Variants in USH2A observed in about 807,000 individuals in gnomAD.
The protein encoded by USH2A is usherin.
In USH2A, 443 loss-of-function variants were observed where a neutral mutation model predicts 538.9. That is an observed-to-expected ratio of 0.82 (90% CI 0.76 to 0.89). The LOEUF (loss-of-function observed/expected upper bound fraction) is 0.89. Ranked by LOEUF, USH2A falls within the 40% of genes least tolerant of loss-of-function variation. The probability of loss-of-function intolerance (pLI) is 0.00; values close to 1 mark genes in which losing one functional copy is unlikely to be tolerated. For synonymous variants in USH2A, 2,413 were observed against 2,273.5 expected (o/e 1.06, Z -1.75); for missense variants, 6,633 against 6,324.8 (o/e 1.05, Z -1.65).
intron 35 of USH2A, among the ~76,000 whole-genome samples, chr1:215,990,312 T>C (rs1028131382): frequency 1.3e-5 from 2 of 152,208 alleles, no homozygotes; most frequent in African/African-American, 2.4e-5. Flanking sequence ...TTTGAACAAA[T>C]ATATTGCAGA....
At chr1:215,766,956 G>C (rs1395244985) in intron 55 of USH2A, among the ~76,000 whole-genome samples, 168 bp from the exon 56 acceptor site, 1 of 152,050 alleles carries the variant, frequency 6.6e-6, no homozygotes, top group Non-Finnish European at 1.5e-5. Flanking sequence ...GCTAAGTATT[G>C]GGCAAAATTT....
At chr1:216,042,283 A>G (rs1227949252) in intron 32 of USH2A, among the ~76,000 whole-genome samples, 5 of 152,070 alleles carry the variant, frequency 3.3e-5, no homozygotes, top group Non-Finnish European at 7.4e-5. Context: ...GAGTTTCAAT[A>G]TGACAGGATT....
chr1:215,670,210 C>T (rs905155297), intron 64 of USH2A, among the ~76,000 whole-genome samples: 5 of 152,132 alleles, frequency 3.3e-5, no homozygotes, highest in African/African-American at 1.2e-4. Context: ...AAGATCAAGC[C>T]CCAGGCAAAT....
intron 4 of USH2A, among the ~76,000 whole-genome samples, chr1:216,329,786 C>G (rs977716950): frequency 6.6e-6 from 1 of 152,010 alleles, no homozygotes; most frequent in African/African-American, 2.4e-5. Flanking sequence ...TAGTCCTAGG[C>G]ATTCTCTTTC....
chr1:215,643,912 A>T (rs1400217438), intron 67 of USH2A, among the ~76,000 whole-genome samples: 1 of 152,160 alleles, frequency 6.6e-6, no homozygotes. Flanking sequence ...AAGCTTCATG[A>T]CTCAAAAGGG....
At chr1:215,783,485 C>A (rs1227283239) in intron 52 of USH2A, among the ~76,000 whole-genome samples, 4 of 152,110 alleles carry the variant, frequency 2.6e-5, no homozygotes, top group Non-Finnish European at 5.9e-5. Context: ...CTTCCCTCTT[C>A]CACAAAAGCC....
intron 35 of USH2A, among the ~76,000 whole-genome samples, chr1:215,981,531 C>T (rs909941009): frequency 2.0e-5 from 3 of 152,086 alleles, no homozygotes; most frequent in African/African-American, 7.2e-5. Flanking sequence ...ACTTTCAACC[C>T]TGTTGTTTGA....
intron 38 of USH2A, among the ~76,000 whole-genome samples, chr1:215,912,513 GTGTATA>G (rs1665832824): frequency 2.9e-4 from 5 of 16,958 alleles, no homozygotes; most frequent in Non-Finnish European, 3.8e-4. Flanking sequence ...ATATATATAC[GTGTATA>G]TATATATATA....
chr1:215,709,715 T>C (rs1659285044), intron 61 of USH2A, among the ~76,000 whole-genome samples: 1 of 151,714 alleles, frequency 6.6e-6, no homozygotes, highest in Non-Finnish European at 1.5e-5. Flanking sequence ...CTGACTATTA[T>C]TGGTAAAAAT....
At chr1:215,631,680 A>G (rs930134829) in intron 70 of USH2A, among the ~76,000 whole-genome samples, 1 of 152,156 alleles carries the variant, frequency 6.6e-6, no homozygotes, top group African/African-American at 2.4e-5. Context: ...CCTGCTGAGG[A>G]TGAGCCAGTT....
intron 47 of USH2A, among the ~76,000 whole-genome samples, chr1:215,820,529 C>T (rs967257449): frequency 2.0e-5 from 3 of 151,686 alleles, no homozygotes; most frequent in African/African-American, 7.2e-5. Flanking sequence ...TTGTAAAGAG[C>T]AAATCAATGT....
intron 37 of USH2A, among the ~76,000 whole-genome samples, chr1:215,951,908 A>G (rs1273188948): frequency 1.3e-5 from 2 of 150,892 alleles, no homozygotes; most frequent in African/African-American, 4.9e-5. Flanking sequence ...CCCAGGCTGG[A>G]CTGCGGACTG....
At position 215,989,907 on chromosome 1, in the gene USH2A, C is replaced by A. The variant is rs191684923; in HGVS notation, c.6805+3113G>T. On this transcript the variant is annotated intron_variant, in intron 35 of 71. Coordinates refer to ENST00000307340, the MANE Select transcript of USH2A (RefSeq NM_206933.4). ...ATACCCAGGGGTATTTTGATGATAA[C>A]CGAGGCAGTGGAAGATTCTGATTAT... Among the ~76,000 whole-genome samples, 3 of 152,154 alleles carry A rather than the reference C, an allele frequency of 2.0e-5. No homozygotes were observed. In the East Asian group the frequency reaches 5.8e-4, roughly 29 times the overall value.
rs758167239 is a variant in USH2A, at chr1:215,878,851, A to G, written c.8471T>C (p.Val2824Ala). The G allele has an allele frequency of 1.9e-6, 3 of 1,614,104 alleles. No individual in the cohort carries two copies. The East Asian group carries it at 6.7e-5, about 36-fold the overall frequency. ...TAGTGGAATCACAGACAATGGGCCAACATTCTGAGGTACGGTGGGGTGAGT... is the reference window on the plus strand; with the variant it reads ...TAGTGGAATCACAGACAATGGGCCAGCATTCTGAGGTACGGTGGGGTGAGT... Reference protein sequence around the residue: ...VTTHPTVPQNVGPLSVIPLSE... With the variant: ...VTTHPTVPQNAGPLSVIPLSE... The change falls in exon 42 of 72, where the codon GTT (valine) becomes GCT (alanine). Residue 2824 changes from valine to alanine, a missense_variant. By Grantham distance (64) the Val-to-Ala change is moderately conservative. Transcript: ENST00000307340.
chr1:216,147,738 T>A (rs1296410604), intron 21 of USH2A, among the ~76,000 whole-genome samples: 13 of 150,194 alleles, frequency 8.7e-5, no homozygotes. Flanking sequence ...CCCAGCCACA[T>A]CTCCAGCACA....
chr1:216,368,030 A>C (rs2038633349), intron 3 of USH2A, among the ~76,000 whole-genome samples: 1 of 152,170 alleles, frequency 6.6e-6, no homozygotes, highest in Non-Finnish European at 1.5e-5. Flanking sequence ...AGTTGTAGAA[A>C]AGCCTTTAAA....
At position 216,312,610 on chromosome 1, in the gene USH2A, G is replaced by A. The variant is rs540799699; in HGVS notation, c.1644+9273C>T. Among the ~76,000 whole-genome samples the A allele has an allele frequency of 2.0e-4, 31 of 152,052 alleles. 1 individual carries two copies. Among genetic ancestry groups the A allele is most frequent in the Non-Finnish European group, 3.2e-4 (22 of 68,016 alleles). On this transcript the variant is annotated intron_variant, in intron 9 of 71. Transcript: ENST00000307340. ...AGGCATTCTTTATTTCTATGAAAGT[G>A]TTTCTGATCTCTAGCTTTTCTTTTT...
At chr1:215,709,295 A>G (rs947507819) in intron 61 of USH2A, among the ~76,000 whole-genome samples, 1 of 152,324 alleles carries the variant, frequency 6.6e-6, no homozygotes, top group Non-Finnish European at 1.5e-5. Context: ...GTCTATTTCT[A>G]TAGTGTAAAT....
chr1:216,246,611 C>T lies in USH2A; in HGVS notation c.2783G>A (p.Gly928Glu). The part of the protein sequence containing the change: ...GQCLCVPNRQ[G>E]RRCNQCQPGF... ...TGGTTGACACTGATTACACCTTCTTCCTTGACGATTAGGCACACACAGGCA... is the reference window on the plus strand; with the variant it reads ...TGGTTGACACTGATTACACCTTCTTTCTTGACGATTAGGCACACACAGGCA... The change falls in exon 13 of 72, where the codon GGA (glycine) becomes GAA (glutamate). Residue 928 changes from glycine to glutamate, a missense_variant. Transcript: ENST00000307340. 6.2e-7 allele frequency: 1 copy of T among 1,614,050 alleles called. No homozygotes were observed. Among genetic ancestry groups the T allele is most frequent in the Non-Finnish European group, 8.5e-7 (1 of 1,179,948 alleles).
Sources: gnomAD v4.1 joint callset for allele counts (sites outside exome capture counted in the v4.1 genomes callset) on GRCh38, gnomAD v4.1.1 for gene constraint, MANE v1.5 for transcripts, NCBI Gene and HGNC (gene_info 2026-07-23, HGNC 2026-07-21) for gene names.